TARDBP: variants seen among roughly 807,000 people sequenced by gnomAD.
TARDBP encodes the protein TAR DNA-binding protein 43.
TARDBP carries 4 observed loss-of-function variants against 38.3 expected under a neutral mutation model. That is an observed-to-expected ratio of 0.10 (90% CI 0.05 to 0.24). The LOEUF (loss-of-function observed/expected upper bound fraction) is 0.24, where lower values mean the gene tolerates loss of function less well. Among genes scored for constraint, TARDBP ranks in the 10% least tolerant of loss-of-function variants. The pLI is 1.00. For synonymous variants in TARDBP, 184 were observed against 183.8 expected (o/e 1.00, Z -0.01); for missense variants, 202 against 521.9 (o/e 0.39, Z 5.97).
chr1:11,026,856 T>G, downstream of TARDBP: 1 of 1,454,556 alleles, frequency 6.9e-7, no homozygotes, highest in African/African-American at 1.4e-5. Flanking sequence ...TTTCTAAAAA[T>G]GAAGAATCCT....
In TARDBP at chr1:11,022,833, A is replaced by T; in HGVS notation, c.*179A>T. On this transcript the variant is annotated 3_prime_UTR_variant, in exon 6 of 6. Transcript: ENST00000240185. This position sits in a 1 kb window ranked among gnomAD's most constrained non-coding sequence, Gnocchi z 4.5. ...TTTAGAAAAAGGAAGAGCTAAAGGA[A>T]TTTTATAAGTTTTGTTACATGAAAG... 1 of 1,375,652 alleles carries T rather than the reference A, an allele frequency of 7.3e-7. No individual in the cohort carries two copies. Among genetic ancestry groups the T allele is most frequent in the Non-Finnish European group, 9.4e-7 (1 of 1,063,926 alleles). The allele number at this position is 1,375,652 out of a possible 1,614,324, so 85.2% of individuals were successfully genotyped here. A position where few individuals can be genotyped will look rare whatever the true frequency, so the allele number is the denominator to read the frequency against.
At chr1:11,030,221 A>G (rs1329849703), downstream of TARDBP, 2 of 1,613,888 alleles carry the variant, frequency 1.2e-6, no homozygotes, top group Admixed American at 1.7e-5. Context: ...GAGCTCGTCC[A>G]GAATCCATCA....
rs1189443563 is a variant in TARDBP, at chr1:11,022,081, C to T, written c.715-43C>T. The T allele has an allele frequency of 6.2e-7, 1 of 1,607,984 alleles. No homozygotes were observed. The highest frequency in any genetic ancestry group is 8.5e-7 in the Non-Finnish European group (1 of 1,174,754). On this transcript the variant is annotated intron_variant, in intron 5 of 5. Coordinates refer to ENST00000240185, the MANE Select transcript of TARDBP (RefSeq NM_007375.4). The surrounding 1 kb of genome is among the most constrained non-coding windows in gnomAD (Gnocchi z 4.5). The stretch of plus-strand genomic sequence containing the variant: ...TTGTTGCTACTTTAAATATATGAAT[C>T]AGTGGTTTAATCTTCTTTGTTTACA...
At chr1:11,017,322 G>A (rs939757149) in intron 3 of TARDBP, among the ~76,000 whole-genome samples, 1 of 150,634 alleles carries the variant, frequency 6.6e-6, no homozygotes. Context: ...CTCCTGTCTC[G>A]GCCTCCTGTA....
At chr1:11,020,334 C>A in intron 4 of TARDBP, 95 bp from the exon 5 acceptor site, 1 of 1,480,878 alleles carries the variant, frequency 6.8e-7, no homozygotes, top group Non-Finnish European at 9.4e-7. Flanking sequence ...CACTGCTATC[C>A]AAGGCGAATG....
At chr1:11,030,027 G>GT, downstream of TARDBP, 1 of 590,974 alleles carries the variant, frequency 1.7e-6, no homozygotes, top group Admixed American at 3.3e-5. Flanking sequence ...AGGGGGTAAT[G>GT]AGAACATACT....
downstream of TARDBP, chr1:11,027,414 T>C: frequency 4.3e-6 from 7 of 1,614,200 alleles, no homozygotes; most frequent in East Asian, 1.3e-4. Flanking sequence ...AGACCAGGCT[T>C]GTGTATAATG....
At chr1:11,013,692 C>A in intron 1 of TARDBP, 24 bp from the exon 2 acceptor site, 2 of 1,533,738 alleles carry the variant, frequency 1.3e-6, no homozygotes, top group East Asian at 4.6e-5. Flanking sequence ...GAATGTTGTT[C>A]ATTCATATCT....
chr1:11,023,572 C>T lies in TARDBP; in HGVS notation c.*918C>T, dbSNP rs1321852234. On this transcript the variant is annotated 3_prime_UTR_variant, in exon 6 of 6. Coordinates refer to ENST00000240185, the MANE Select transcript of TARDBP (RefSeq NM_007375.4). ...CGAGATGTGTCTCTCAATCCTGTGGCTTTGGTGAGAGAGTGTGCAGAGAGC... is the reference window on the plus strand; with the variant it reads ...CGAGATGTGTCTCTCAATCCTGTGGTTTTGGTGAGAGAGTGTGCAGAGAGC... The T allele has an allele frequency of 2.5e-6, 1 of 406,442 alleles. No individual in the cohort carries two copies. The highest frequency in any genetic ancestry group is 4.4e-6 in the Non-Finnish European group (1 of 227,838). The allele number at this position is 406,442 out of a possible 1,614,324, so 25.2% of individuals were successfully genotyped here.
chr1:11,028,706 C>T (rs7528551), downstream of TARDBP, among the ~76,000 whole-genome samples: 2,657 of 11,592 alleles, frequency 0.23, 116 homozygotes, highest in African/African-American at 0.42. Context: ...GGTTTTTTTT[C>T]TTTTTTTTTT....
intron 5 of TARDBP, among the ~76,000 whole-genome samples, chr1:11,020,970 G>C (rs1643625766): frequency 6.6e-6 from 1 of 152,084 alleles, no homozygotes; most frequent in South Asian, 2.1e-4. Flanking sequence ...TGCCCATGCA[G>C]CTAATTGCTA....
intron 2 of TARDBP, among the ~76,000 whole-genome samples, 162 bp downstream of exon 2, chr1:11,014,127 A>G (rs1643468781): frequency 6.6e-6 from 1 of 152,212 alleles, no homozygotes; most frequent in Non-Finnish European, 1.5e-5. Context: ...GTCTAAATTT[A>G]TGGAAACTGG....
chr1:11,013,283 C>A (rs1320948103), intron 1 of TARDBP, among the ~76,000 whole-genome samples: 1 of 152,236 alleles, frequency 6.6e-6, no homozygotes, highest in East Asian at 1.9e-4. Flanking sequence ...GCTGATGGAT[C>A]GCTTGCTTAG....
downstream of TARDBP, chr1:11,025,736 T>C (rs953598787): frequency 1.3e-5 from 2 of 152,608 alleles, no homozygotes; most frequent in African/African-American, 4.8e-5. Context: ...TAAAACCTTT[T>C]AGGAAGGAAT....
downstream of TARDBP, chr1:11,027,744 A>C (rs929477641): frequency 1.5e-6 from 2 of 1,314,946 alleles, no homozygotes; most frequent in African/African-American, 1.5e-5. Flanking sequence ...TTTGATGTCA[A>C]CCAAAAATTA....
At chr1:11,027,613 T>G (rs746297294), downstream of TARDBP, 12 of 1,613,884 alleles carry the variant, frequency 7.4e-6, no homozygotes, top group Non-Finnish European at 8.5e-6. Context: ...CCTCCATATA[T>G]ACGCCCTCCT....
intron 3 of TARDBP, chr1:11,018,344 A>AGGTG (rs1553159229): frequency 1.7e-5 from 5 of 291,974 alleles, no homozygotes; most frequent in Admixed American, 9.7e-5. Context: ...GCATGCCACT[A>AGGTG]CACCTGGCTA....
chr1:11,013,128 C>A (rs935786190), intron 1 of TARDBP, among the ~76,000 whole-genome samples: 1 of 152,232 alleles, frequency 6.6e-6, no homozygotes, highest in Non-Finnish European at 1.5e-5. Flanking sequence ...TGGGAGGCGA[C>A]GGCCGGCACC....
chr1:11,022,371 C>T lies in TARDBP; in HGVS notation c.962C>T (p.Ala321Val), dbSNP rs1304706298. Residue 321 changes from alanine to valine, a missense_variant, in exon 6 of 6, where the codon GCC becomes GTC. This residue lies in a region of TARDBP where 107 missense variants were observed against 190.5 expected (regional missense o/e 0.56). Coordinates refer to ENST00000240185, the MANE Select transcript of TARDBP (RefSeq NM_007375.4). The surrounding 1 kb of genome is among the most constrained non-coding windows in gnomAD (Gnocchi z 4.5). ...TTTGGTGCGTTCAGCATTAATCCAG[C>T]CATGATGGCTGCCGCCCAGGCAGCA... ...MNFGAFSINPAMMAAAQAALQ... is the reference protein window; with the variant it reads ...MNFGAFSINPVMMAAAQAALQ... 6.2e-7 allele frequency: 1 copy of T among 1,613,948 alleles called. No individual in the cohort carries two copies. Among genetic ancestry groups the T allele is most frequent in the Non-Finnish European group, 8.5e-7 (1 of 1,179,864 alleles).
Sources: gnomAD v4.1 joint callset for allele counts (sites outside exome capture counted in the v4.1 genomes callset) on GRCh38, gnomAD v4.1.1 for gene constraint, gnomAD v4.1.1 regional missense constraint, Gnocchi (gnomAD v3.1) non-coding constraint, MANE v1.5 for transcripts, NCBI Gene and HGNC (gene_info 2026-07-23, HGNC 2026-07-21) for gene names.